The following ATR variants were observed in gnomAD, a reference collection of about 807,000 sequenced individuals.
ATR encodes the protein ATR checkpoint kinase, also known as serine/threonine-protein kinase ATR.
ATR carries 142 observed loss-of-function variants against 305.3 expected under a neutral mutation model. That is an observed-to-expected ratio of 0.47 (90% confidence interval 0.41 to 0.53). The LOEUF (loss-of-function observed/expected upper bound fraction) is 0.53. Among genes scored for constraint, ATR ranks in the 20% least tolerant of loss-of-function variants. The pLI is 0.00. For synonymous variants in ATR, 1,050 were observed against 1,068.1 expected (o/e 0.98, Z 0.33); for missense variants, 2,135 against 3,133.1 (o/e 0.68, Z 7.60).
At chr3:142,493,374 A>G in intron 34 of ATR, 63 bp from the exon 35 acceptor site, 1 of 1,471,634 alleles carries the variant, frequency 6.8e-7, no homozygotes, top group Non-Finnish European at 9.2e-7. Flanking sequence ...TTTCTGCAAA[A>G]GTATTAGTTC....
chr3:142,510,115 G>GA (rs397760180), intron 27 of ATR, among the ~76,000 whole-genome samples: 64,467 of 95,268 alleles, frequency 0.68, 20,851 homozygotes, highest in African/African-American at 0.82. Context: ...GACTGTCTCA[G>GA]AAAAAAAAAA....
rs145239153 is a variant in ATR, at chr3:142,465,592, ACT to A, written c.6898-354_6898-353del. 0.011 allele frequency: 1,717 copies of A among 161,986 alleles called. 56 individuals carry two copies. The East Asian group carries it at 0.12, about 11-fold the overall frequency. 10.0% of individuals were successfully genotyped at this position (161,986 alleles called of 1,614,324 possible). On this transcript the variant is annotated intron_variant, in intron 40 of 46. Coordinates refer to ENST00000350721, the MANE Select transcript of ATR (RefSeq NM_001184.4). The stretch of plus-strand genomic sequence containing the variant: ...TCAGGATCTTTCTGCGGAGCCTGAG[ACT>A]CTGTTTTTCAAGCTTTATCAATTAA...
rs2033914445 is a variant in ATR, at chr3:142,537,843, T to A, written c.3725+639A>T. ...ATAATGCATGTTCTGTCAATAGTAA[T>A]CCACACTGGCTATAGCCTAATGCCT... On this transcript the variant is annotated intron_variant, in intron 19 of 46. Transcript: ENST00000350721. Among the ~76,000 whole-genome samples the A allele has an allele frequency of 2.0e-5, 3 of 152,146 alleles. No individual in the cohort carries two copies. The South Asian group carries it at 6.2e-4, about 32-fold the overall frequency.
rs35931665 is a variant in ATR, at chr3:142,558,906, C to A, written c.1733-130G>T. On this transcript the variant is annotated intron_variant, in intron 7 of 46. Transcript: ENST00000350721. ...AAGCAGAAATTCTTAACACAGAGAT[C>A]TATAAACGATGGTCTGAGGTCTGTG... is the stretch of plus-strand genomic sequence containing the variant. 3.7e-4 allele frequency: 358 copies of A among 963,504 alleles called. No homozygotes were observed. In the African/African-American group the frequency reaches 5.1e-3, roughly 14 times the overall value. The allele number at this position is 963,504 out of a possible 1,614,324, so 59.7% of individuals were successfully genotyped here. A position where few individuals can be genotyped will look rare whatever the true frequency, so the allele number is the denominator to read the frequency against.
intron 21 of ATR, among the ~76,000 whole-genome samples, chr3:142,524,891 C>T (rs950671233): frequency 6.6e-6 from 1 of 152,154 alleles, no homozygotes; most frequent in Non-Finnish European, 1.5e-5. Context: ...TTAGACCTTG[C>T]ACTTGTGTGA....
intron 30 of ATR, among the ~76,000 whole-genome samples, chr3:142,501,653 G>C (rs1414422446): frequency 6.6e-6 from 1 of 152,168 alleles, no homozygotes; most frequent in Non-Finnish European, 1.5e-5. Context: ...CAGCCAACAA[G>C]CATATGAAAA....
intron 36 of ATR, among the ~76,000 whole-genome samples, chr3:142,481,499 A>G (rs1475802591): frequency 5.9e-5 from 9 of 152,206 alleles, no homozygotes; most frequent in Admixed American, 5.9e-4. Context: ...TAGCAATTCA[A>G]TGCAAAGAAG....
intron 36 of ATR, among the ~76,000 whole-genome samples, chr3:142,480,384 G>A (rs907804428): frequency 1.5e-4 from 23 of 152,218 alleles, no homozygotes; most frequent in South Asian, 4.1e-4. Flanking sequence ...TATCAGCAGC[G>A]GAGGCTGCAG....
At chr3:142,554,660 ACCTGTAAT>A (rs1394742594) in intron 10 of ATR, among the ~76,000 whole-genome samples, 1 of 152,182 alleles carries the variant, frequency 6.6e-6, no homozygotes, top group Non-Finnish European at 1.5e-5. Flanking sequence ...GGTGACTCAT[ACCTGTAAT>A]CCCAACACTC....
In ATR at chr3:142,561,427, A is replaced by G. The variant is rs762907704; in HGVS notation, c.1171-6T>C. On this transcript the variant is annotated splice_polypyrimidine_tract_variant and splice_region_variant and intron_variant, in intron 4 of 46. Coordinates refer to ENST00000350721, the MANE Select transcript of ATR (RefSeq NM_001184.4). ...TAAAGTGGGCCCAACAAGTACTGAGAAAATAAAAAATAATTTCCAGAAATA... is the reference window on the plus strand; with the variant it reads ...TAAAGTGGGCCCAACAAGTACTGAGGAAATAAAAAATAATTTCCAGAAATA... The G allele has an allele frequency of 6.2e-7, 1 of 1,609,046 alleles. No individual in the cohort carries two copies. Among genetic ancestry groups the G allele is most frequent in the Non-Finnish European group, 8.5e-7 (1 of 1,176,516 alleles).
intron 18 of ATR, among the ~76,000 whole-genome samples, chr3:142,539,875 C>G (rs2033986677): frequency 6.6e-6 from 1 of 152,086 alleles, no homozygotes; most frequent in African/African-American, 2.4e-5. Flanking sequence ...TGGACTTAGG[C>G]AATGATCATT....
At chr3:142,540,267 A>C (rs1303790054) in intron 18 of ATR, among the ~76,000 whole-genome samples, 1 of 152,174 alleles carries the variant, frequency 6.6e-6, no homozygotes. Flanking sequence ...GAGACACTTA[A>C]GGAGCCAGGC....
intron 1 of ATR, among the ~76,000 whole-genome samples, chr3:142,572,406 T>TTTTTTTTTC (rs2035303839): frequency 7.0e-6 from 1 of 142,956 alleles, no homozygotes; most frequent in African/African-American, 2.7e-5. Flanking sequence ...TTTTGATTAT[T>TTTTTTTTTC]CAAACCACAA....
intron 10 of ATR, among the ~76,000 whole-genome samples, chr3:142,554,463 G>A (rs190622262): frequency 7.2e-5 from 11 of 152,280 alleles, no homozygotes; most frequent in East Asian, 3.9e-4. Context: ...CCTGAGCTCA[G>A]GCAATCCGCC....
At position 142,578,591 on chromosome 3, in the gene ATR, C is replaced by A. The variant is rs370404170; in HGVS notation, c.59+55G>T. 26 of 1,576,434 alleles carry A rather than the reference C, an allele frequency of 1.6e-5. No homozygotes were observed. In the African/African-American group the frequency reaches 2.8e-4, roughly 17 times the overall value. On this transcript the variant is annotated intron_variant, in intron 1 of 46. Coordinates refer to ENST00000350721, the MANE Select transcript of ATR (RefSeq NM_001184.4). ...GCAGGGGAGGGGAGAGCACGTGAAA[C>A]CCAAGCCGGAATCAGCGGAGGAGGA...
At position 142,477,344 on chromosome 3, in the gene ATR, C is replaced by G. The variant is rs574187699; in HGVS notation, c.6222-7161G>C. 4.1e-3 allele frequency among the ~76,000 whole-genome samples: 631 copies of G among 152,192 alleles called. 11 individuals are homozygous for G. The highest frequency in any genetic ancestry group is 0.015 in the African/African-American group (609 of 41,542). On this transcript the variant is annotated intron_variant, in intron 36 of 46. Transcript: ENST00000350721. ...CAAAGGCCTTTTCTGCATCTATTGA[C>G]ATAATCATGTGGTTTTTGTCTTTGC... is the stretch of plus-strand genomic sequence containing the variant.
rs2108480191 is a variant in ATR at position 142,559,376 on chromosome 3, G to A, written c.1607C>T (p.Ser536Leu). Residue 536 changes from serine (S) to leucine (L), a missense_variant, in exon 7 of 47, where the codon TCA (serine) becomes TTA (leucine). Ser to Leu is a moderately radical substitution (Grantham distance 145). This residue lies in a region of ATR where 744 missense variants were observed against 873.2 expected (regional missense o/e 0.85). Coordinates refer to ENST00000350721, the MANE Select transcript of ATR (RefSeq NM_001184.4). ...AAGCACTTTTGTGTAAAAATCCAAT[G>A]ACATCCAAGTTATCACTACAGAAGG... ...KKPSVVITWMSLDFYTKVLKS... is the reference protein window; with the variant it reads ...KKPSVVITWMLLDFYTKVLKS... 1.2e-6 allele frequency: 2 copies of A among 1,613,828 alleles called. No homozygotes were observed. Among genetic ancestry groups the A allele is most frequent in the Non-Finnish European group, 1.7e-6 (2 of 1,179,860 alleles).
At chr3:142,544,394 G>C (rs778308239) in intron 16 of ATR, among the ~76,000 whole-genome samples, 87 of 133,604 alleles carry the variant, frequency 6.5e-4, no homozygotes, top group Non-Finnish European at 1.1e-3. Context: ...AGAGGTTGCA[G>C]TGGGCTGAGA....
intron 46 of ATR, chr3:142,451,670 C>T: frequency 1.7e-6 from 2 of 1,207,936 alleles, no homozygotes; most frequent in Non-Finnish European, 1.0e-6. Context: ...GCCTCCAACT[C>T]CTGGGGTCAA....
Sources: allele counts gnomAD v4.1 joint callset (sites outside exome capture counted in the v4.1 genomes callset), GRCh38; gene constraint gnomAD v4.1.1; regional missense constraint gnomAD v4.1.1; transcripts MANE v1.5; gene names NCBI Gene and HGNC (gene_info 2026-07-23, HGNC 2026-07-21).